MET: variants seen among roughly 807,000 people sequenced by gnomAD.
MET encodes hepatocyte growth factor receptor.
MET carries 48 observed loss-of-function variants against 133.1 expected under a neutral mutation model. The observed-to-expected ratio is 0.36, with a 90% CI of 0.29 to 0.46. The LOEUF (loss-of-function observed/expected upper bound fraction) is 0.46, where lower values mean the gene tolerates loss of function less well. MET is among the 20% of genes least tolerant of loss of function. The probability of loss-of-function intolerance (pLI) is 1.00; values close to 1 mark genes in which losing one functional copy is unlikely to be tolerated. For synonymous variants in MET, 628 were observed against 616.5 expected (o/e 1.02, Z -0.28); for missense variants, 1,442 against 1,695.9 (o/e 0.85, Z 2.63).
At chr7:116,704,677 G>C (rs1260611824) in intron 2 of MET, among the ~76,000 whole-genome samples, 1 of 152,010 alleles carries the variant, frequency 6.6e-6, no homozygotes. Flanking sequence ...GAGGAGTGGT[G>C]GTAGTTTGAG....
chr7:116,718,954 C>T (rs1332295534), intron 2 of MET, among the ~76,000 whole-genome samples: 6 of 146,390 alleles, frequency 4.1e-5, no homozygotes, highest in African/African-American at 5.1e-5. Flanking sequence ...AATAAACATA[C>T]GTGTGCATGT....
chr7:116,752,444 C>T (rs538538299), intron 5 of MET, among the ~76,000 whole-genome samples: 13 of 152,316 alleles, frequency 8.5e-5, no homozygotes, highest in Non-Finnish European at 1.8e-4. Flanking sequence ...GGCTTTATGC[C>T]GGACGCTCAT....
intron 3 of MET, among the ~76,000 whole-genome samples, chr7:116,736,771 A>C (rs1240213404): frequency 6.6e-6 from 1 of 152,218 alleles, no homozygotes; most frequent in Non-Finnish European, 1.5e-5. Context: ...CTAATTACTA[A>C]AGATTAGTTG....
Position 116,731,772 on chromosome 7 carries a change from C to G in MET, c.1305C>G (p.Ser435Arg), listed in dbSNP as rs762520351. Residue 435 changes from serine (S) to arginine (R), a missense_variant, in exon 3 of 21, where the codon AGC becomes AGG. Coordinates refer to ENST00000397752, the MANE Select transcript of MET (RefSeq NM_000245.4). The part of the protein sequence containing the change: ...QRVDLFMGQF[S>R]EVLLTSISTF... Reference sequence around the variant, plus strand: ...TTGACTTATTCATGGGTCAATTCAGCGAAGTCCTCTTAACATCTATATCCA... The same window carrying G: ...TTGACTTATTCATGGGTCAATTCAGGGAAGTCCTCTTAACATCTATATCCA... 6.2e-7 allele frequency: 1 copy of G among 1,614,124 alleles called. No individual in the cohort carries two copies. The highest frequency in any genetic ancestry group is 8.5e-7 in the Non-Finnish European group (1 of 1,179,986).
At chr7:116,788,658 T>G (rs1795390903) in intron 19 of MET, among the ~76,000 whole-genome samples, 1 of 152,248 alleles carries the variant, frequency 6.6e-6, no homozygotes, top group Admixed American at 6.5e-5. Context: ...AATCTGTACA[T>G]AATGCTGCTT....
chr7:116,695,626 G>A (rs1160080048), intron 1 of MET: 4 of 295,524 alleles, frequency 1.4e-5, no homozygotes, highest in South Asian at 5.8e-5. Context: ...GCATAGTGAA[G>A]CACTTAAGAG....
chr7:116,756,515 A>AACTCTTAATCATTG (rs1794182778), intron 6 of MET, among the ~76,000 whole-genome samples: 2 of 152,194 alleles, frequency 1.3e-5, no homozygotes, highest in African/African-American at 4.8e-5. Flanking sequence ...AAATCTCCAA[A>AACTCTTAATCATTG]ACTCTTAATC....
Position 116,699,193 on chromosome 7 carries a change from G to T in MET, c.109G>T (p.Val37Leu), listed in dbSNP as rs863224692. Reference sequence around the variant, plus strand: ...GGCACTAGCAAAGTCCGAGATGAATGTGAATATGAAGTATCAGCTTCCCAA... The same window carrying T: ...GGCACTAGCAAAGTCCGAGATGAATTTGAATATGAAGTATCAGCTTCCCAA... The part of the protein sequence containing the change: ...KEALAKSEMN[V>L]NMKYQLPNFT... The change falls in exon 2 of 21, where the codon GTG becomes TTG. Residue 37 changes from valine (V) to leucine (L), a missense_variant. Transcript: ENST00000397752. 2 of 1,613,838 alleles carry T rather than the reference G, an allele frequency of 1.2e-6. No individual in the cohort carries two copies. The highest frequency in any genetic ancestry group is 1.7e-6 in the Non-Finnish European group (2 of 1,179,922).
chr7:116,756,325 AT>A (rs1302052221), intron 6 of MET, among the ~76,000 whole-genome samples: 1 of 152,252 alleles, frequency 6.6e-6, no homozygotes, highest in Non-Finnish European at 1.5e-5. Context: ...TTAAAGTTTT[AT>A]GGTTGAATCT....
chr7:116,728,797 A>T (rs543863288), intron 2 of MET, among the ~76,000 whole-genome samples: 109 of 152,332 alleles, frequency 7.2e-4, no homozygotes, highest in Non-Finnish European at 7.9e-4. Context: ...TTTGTGGTCA[A>T]AGACTCTCAT....
chr7:116,712,511 A>G (rs998912061), intron 2 of MET, among the ~76,000 whole-genome samples: 1 of 152,264 alleles, frequency 6.6e-6, no homozygotes, highest in Non-Finnish European at 1.5e-5. Context: ...AGAGCCCTGT[A>G]TGTAAAATAT....
chr7:116,733,422 A>G (rs1210632005), intron 3 of MET, among the ~76,000 whole-genome samples: 4 of 150,664 alleles, frequency 2.7e-5, no homozygotes, highest in Non-Finnish European at 5.9e-5. Flanking sequence ...TGATTACTTT[A>G]GCTCCGACTT....
Position 116,797,496 on chromosome 7 carries a change from G to A in MET, c.*1372G>A, listed in dbSNP as rs1458035670. On this transcript the variant is annotated 3_prime_UTR_variant, in exon 21 of 21. Coordinates refer to ENST00000397752, the MANE Select transcript of MET (RefSeq NM_000245.4). ...AAATCCCAGCTATTTCACCTAGATG[G>A]AATAGCCACCCTGAGCAGAACTTTG... is the stretch of plus-strand genomic sequence containing the variant. 2.2e-5 allele frequency: 5 copies of A among 229,484 alleles called. No individual in the cohort carries two copies. Among genetic ancestry groups the A allele is most frequent in the Non-Finnish European group, 4.3e-5 (5 of 115,646 alleles). 14.2% of individuals were successfully genotyped at this position (229,484 alleles called of 1,614,324 possible).
chr7:116,796,416 A>G lies in MET; in HGVS notation c.*292A>G. 2 of 480,214 alleles carry G rather than the reference A, an allele frequency of 4.2e-6. No individual in the cohort carries two copies. Among genetic ancestry groups the G allele is most frequent in the Non-Finnish European group, 7.6e-6 (2 of 263,152 alleles). The allele number at this position is 480,214 out of a possible 1,614,324, so 29.7% of individuals were successfully genotyped here. A position where few individuals can be genotyped will look rare whatever the true frequency, so the allele number is the denominator to read the frequency against. On this transcript the variant is annotated 3_prime_UTR_variant, in exon 21 of 21. Coordinates refer to ENST00000397752, the MANE Select transcript of MET (RefSeq NM_000245.4). ...TTGAATTTTTTAAAAATCAGGTACC[A>G]CTTGATTTCATATGGGAAATTGAAG...
intron 1 of MET, among the ~76,000 whole-genome samples, chr7:116,692,285 A>G (rs993491152): frequency 2.6e-5 from 4 of 152,202 alleles, no homozygotes; most frequent in African/African-American, 9.6e-5. Flanking sequence ...ATAAAGTGCT[A>G]TCTACATAGT....
chr7:116,701,392 A>G (rs900979731), intron 2 of MET, among the ~76,000 whole-genome samples: 6 of 152,184 alleles, frequency 3.9e-5, no homozygotes, highest in African/African-American at 1.4e-4. Flanking sequence ...CAGTAGCATA[A>G]AGTATATAAT....
At chr7:116,739,533 A>G (rs1288544058) in intron 3 of MET, among the ~76,000 whole-genome samples, 6 of 152,234 alleles carry the variant, frequency 3.9e-5, no homozygotes, top group African/African-American at 1.2e-4. Flanking sequence ...ACTCTTAACC[A>G]TTACATCAAG....
At chr7:116,735,779 C>CTTTTTTT (rs34534013) in intron 3 of MET, among the ~76,000 whole-genome samples, 1 of 129,832 alleles carries the variant, frequency 7.7e-6, no homozygotes. Context: ...TTAGCTTTGG[C>CTTTTTTT]TTTTTTTTTT....
At position 116,796,458 on chromosome 7, in the gene MET, C is replaced by T; in HGVS notation, c.*334C>T. ...AAATTGAAGCAGGAAATATTGAGGGCTTCTTGATCACAGAAAACTCAGAAG... is the reference window on the plus strand; with the variant it reads ...AAATTGAAGCAGGAAATATTGAGGGTTTCTTGATCACAGAAAACTCAGAAG... On this transcript the variant is annotated 3_prime_UTR_variant, in exon 21 of 21. Coordinates refer to ENST00000397752, the MANE Select transcript of MET (RefSeq NM_000245.4). 4.5e-6 allele frequency: 2 copies of T among 442,640 alleles called. No homozygotes were observed. The highest frequency in any genetic ancestry group is 2.4e-5 in the South Asian group (1 of 42,538). The allele number at this position is 442,640 out of a possible 1,614,324, so 27.4% of individuals were successfully genotyped here. A position where few individuals can be genotyped will look rare whatever the true frequency, so the allele number is the denominator to read the frequency against.
Sources: gnomAD v4.1 joint callset for allele counts (sites outside exome capture counted in the v4.1 genomes callset) on GRCh38, gnomAD v4.1.1 for gene constraint, MANE v1.5 for transcripts, NCBI Gene and HGNC (gene_info 2026-07-23, HGNC 2026-07-21) for gene names.